The following IKZF1 variants were observed in gnomAD, a reference collection of about 807,000 sequenced individuals.
IKZF1 encodes the protein IKAROS family zinc finger 1, also known as DNA-binding protein Ikaros.
In IKZF1, 10 loss-of-function variants were observed where a neutral mutation model predicts 51.7. The observed-to-expected ratio is 0.19, with a 90% CI of 0.12 to 0.33. The LOEUF (loss-of-function observed/expected upper bound fraction) is 0.33. Among genes scored for constraint, IKZF1 ranks in the 10% least tolerant of loss-of-function variants. The probability of loss-of-function intolerance (pLI) is 1.00; values close to 1 mark genes in which losing one functional copy is unlikely to be tolerated. For missense variants in IKZF1, 484 were observed against 707.5 expected, an observed-to-expected ratio of 0.68 and a Z score of 3.58; for synonymous variants, 280 against 282.3, an observed-to-expected ratio of 0.99 and a Z score of 0.08.
chr7:50,403,019 A>AT lies in IKZF1; in HGVS notation c.*2398dup. 4.4e-6 allele frequency: 1 copy of AT among 226,432 alleles called. No homozygotes were observed. 14.0% of individuals were successfully genotyped at this position (226,432 alleles called of 1,614,324 possible). A position where few individuals can be genotyped will look rare whatever the true frequency, so the allele number is the denominator to read the frequency against. On this transcript the variant is annotated 3_prime_UTR_variant, in exon 8 of 8. Transcript: ENST00000331340. ...CTGAGTCAGTTGGTTGAAGGGAGTT[A>AT]TTTTTTCAAGTGGAATTCAAACAAA...
intron 3 of IKZF1, among the ~76,000 whole-genome samples, chr7:50,364,140 A>T (rs1806100189): frequency 6.6e-6 from 1 of 152,196 alleles, no homozygotes; most frequent in Admixed American, 6.5e-5. Context: ...TTGAAAGTAG[A>T]TCAGATCTCC....
chr7:50,372,788 G>T (rs1266454797), intron 3 of IKZF1, among the ~76,000 whole-genome samples: 1 of 152,086 alleles, frequency 6.6e-6, no homozygotes, highest in Non-Finnish European at 1.5e-5. Flanking sequence ...ATTGTACTTG[G>T]TATCCACATT....
At chr7:50,367,268 G>A (rs1291842350) in intron 3 of IKZF1, among the ~76,000 whole-genome samples, 4 of 152,152 alleles carry the variant, frequency 2.6e-5, no homozygotes, top group Admixed American at 6.5e-5. Context: ...CACTGTGTAC[G>A]TCACTTTAAC....
At chr7:50,365,107 C>A (rs1028054374) in intron 3 of IKZF1, among the ~76,000 whole-genome samples, 1 of 152,240 alleles carries the variant, frequency 6.6e-6, no homozygotes, top group Non-Finnish European at 1.5e-5. Flanking sequence ...ACAGCTTCCA[C>A]AAAACCTCTA....
intron 1 of IKZF1, among the ~76,000 whole-genome samples, chr7:50,314,277 A>AT (rs1240822105): frequency 6.6e-6 from 1 of 152,066 alleles, no homozygotes; most frequent in Non-Finnish European, 1.5e-5. Flanking sequence ...CACCTGGCTA[A>AT]TTTTTTGTAT....
chr7:50,343,079 C>CT lies in IKZF1; in HGVS notation c.160+15323dup, dbSNP rs756049906. 1.2e-3 allele frequency among the ~76,000 whole-genome samples: 183 copies of CT among 148,372 alleles called. 1 individual carries two copies. Among genetic ancestry groups the CT allele is most frequent in the Non-Finnish European group, 2.3e-3 (156 of 67,226 alleles). On this transcript the variant is annotated intron_variant, in intron 3 of 7. Transcript: ENST00000331340. Reference sequence around the variant, plus strand: ...TTTTTAATTTTCCTCCTTTCTCTTTCTCCTTTCTTTCCTTCCTTCTTTCCT... The same window carrying CT: ...TTTTTAATTTTCCTCCTTTCTCTTTCTTCCTTTCTTTCCTTCCTTCTTTCCT...
intron 3 of IKZF1, among the ~76,000 whole-genome samples, chr7:50,374,008 C>T (rs1809504484): frequency 1.3e-5 from 2 of 152,224 alleles, no homozygotes; most frequent in South Asian, 2.1e-4. Flanking sequence ...TGCTGGATTT[C>T]TCAGGACAAT....
chr7:50,340,024 T>C (rs1484061956), intron 3 of IKZF1, among the ~76,000 whole-genome samples: 2 of 152,166 alleles, frequency 1.3e-5, no homozygotes, highest in African/African-American at 4.8e-5. Context: ...AGCCCTGAGA[T>C]AGGTGTGCAG....
chr7:50,402,170 C>T lies in IKZF1; in HGVS notation c.*1543C>T, dbSNP rs1035364747. The T allele has an allele frequency of 4.4e-6, 1 of 228,250 alleles. No homozygotes were observed. Among genetic ancestry groups the T allele is most frequent in the African/African-American group, 2.3e-5 (1 of 43,674 alleles). 14.1% of individuals were successfully genotyped at this position (228,250 alleles called of 1,614,324 possible). A position where few individuals can be genotyped will look rare whatever the true frequency, so the allele number is the denominator to read the frequency against. On this transcript the variant is annotated 3_prime_UTR_variant, in exon 8 of 8. Coordinates refer to ENST00000331340, the MANE Select transcript of IKZF1 (RefSeq NM_006060.6). Reference sequence around the variant, plus strand: ...ATGCTATCAATCATTAAGGTCATTACTCTCAACCACCTAGGCAATGAAGAA... The same window carrying T: ...ATGCTATCAATCATTAAGGTCATTATTCTCAACCACCTAGGCAATGAAGAA...
chr7:50,375,995 C>T (rs563775655), intron 3 of IKZF1, among the ~76,000 whole-genome samples: 2 of 152,188 alleles, frequency 1.3e-5, no homozygotes, highest in African/African-American at 4.8e-5. Flanking sequence ...GAGTTTTGTC[C>T]CAAAGTTTAT....
chr7:50,364,369 G>A (rs1806189509), intron 3 of IKZF1, among the ~76,000 whole-genome samples: 1 of 152,184 alleles, frequency 6.6e-6, no homozygotes, highest in African/African-American at 2.4e-5. Context: ...TGAGAGTTTG[G>A]GGAATAGAAA....
intron 1 of IKZF1, among the ~76,000 whole-genome samples, chr7:50,315,192 A>G (rs1251229057): frequency 6.6e-6 from 1 of 152,202 alleles, no homozygotes; most frequent in African/African-American, 2.4e-5. Flanking sequence ...AGAGGGAGAG[A>G]AAGGAGAAGG....
At chr7:50,311,351 T>C (rs2153339936) in intron 1 of IKZF1, among the ~76,000 whole-genome samples, 1 of 152,352 alleles carries the variant, frequency 6.6e-6, no homozygotes, top group African/African-American at 2.4e-5. Context: ...GTTCTTTCTG[T>C]ATTTATATGT....
chr7:50,331,387 G>A (rs903173939), intron 3 of IKZF1, among the ~76,000 whole-genome samples: 2 of 150,904 alleles, frequency 1.3e-5, no homozygotes, highest in Non-Finnish European at 2.9e-5. Flanking sequence ...AGTTCAAGTC[G>A]AGCTGCCACT....
At position 50,405,046 on chromosome 7, in the gene IKZF1, G is replaced by C. The variant is rs1818783913; in HGVS notation, c.*4419G>C. The C allele has an allele frequency of 5.1e-6, 1 of 196,598 alleles. No individual in the cohort carries two copies. The highest frequency in any genetic ancestry group is 1.9e-4 in the South Asian group (1 of 5,192). The allele number at this position is 196,598 out of a possible 1,614,324, so 12.2% of individuals were successfully genotyped here. ...TTCTGATCCCATTTCTGATGGATGT[G>C]TCACACCTTTTCTGTCAAAATAAAA... On this transcript the variant is annotated 3_prime_UTR_variant, in exon 8 of 8. Transcript: ENST00000331340.
chr7:50,355,998 C>T (rs924382651), intron 3 of IKZF1, among the ~76,000 whole-genome samples: 5 of 152,206 alleles, frequency 3.3e-5, no homozygotes, highest in Non-Finnish European at 7.3e-5. Flanking sequence ...GTTATCTCCA[C>T]GAACAGAAAA....
In IKZF1 at chr7:50,403,653, A is replaced by T. The variant is rs1273988003; in HGVS notation, c.*3026A>T. The stretch of plus-strand genomic sequence containing the variant: ...AAAACTCATCACATTATCATTGCAT[A>T]TCAGCAAAGGGTAAAGTCCTAGCAC... On this transcript the variant is annotated 3_prime_UTR_variant, in exon 8 of 8. Transcript: ENST00000331340. The T allele has an allele frequency of 8.8e-6, 2 of 228,346 alleles. No individual in the cohort carries two copies. The highest frequency in any genetic ancestry group is 1.1e-4 in the Admixed American group (2 of 17,624). The allele number at this position is 228,346 out of a possible 1,614,324, so 14.1% of individuals were successfully genotyped here. A position where few individuals can be genotyped will look rare whatever the true frequency, so the allele number is the denominator to read the frequency against.
chr7:50,319,726 C>G (rs1458534421), intron 2 of IKZF1, among the ~76,000 whole-genome samples: 1 of 152,204 alleles, frequency 6.6e-6, no homozygotes, highest in African/African-American at 2.4e-5. Flanking sequence ...CTATCTGGCC[C>G]TGTATCCAGA....
chr7:50,319,368 T>G (rs958013655), intron 2 of IKZF1, among the ~76,000 whole-genome samples: 2 of 151,998 alleles, frequency 1.3e-5, no homozygotes, highest in African/African-American at 4.8e-5. Flanking sequence ...TTTTGTACTG[T>G]TGGAAGGAAA....
Sources: gnomAD v4.1 joint callset for allele counts (sites outside exome capture counted in the v4.1 genomes callset) on GRCh38, gnomAD v4.1.1 for gene constraint, MANE v1.5 for transcripts, NCBI Gene and HGNC (gene_info 2026-07-23, HGNC 2026-07-21) for gene names.